HTR2C: variants seen among roughly 807,000 people sequenced by gnomAD.
HTR2C encodes 5-hydroxytryptamine (serotonin) receptor 2C, G protein-coupled.
A neutral mutation model predicts 21.0 loss-of-function variants in HTR2C; 5 were observed. That is an observed-to-expected ratio of 0.24 (90% CI 0.12 to 0.50). HTR2C has a LOEUF of 0.50. Ranked by LOEUF, HTR2C falls within the 20% of genes least tolerant of loss-of-function variation. The pLI is 0.98. For missense variants in HTR2C, 271 were observed against 371.2 expected (o/e 0.73, Z 2.22); for synonymous variants, 150 against 145.3 (o/e 1.03, Z -0.23).
At chrX:114,659,955 A>G (rs893623569) in intron 2 of HTR2C, among the ~76,000 whole-genome samples, 2 of 111,851 alleles carry the variant, frequency 1.8e-5, no homozygotes, top group African/African-American at 6.5e-5. Flanking sequence ...GAAGTAAATA[A>G]GCAAACAAAC....
chrX:114,809,146 C>T lies in HTR2C; in HGVS notation c.350-38857C>T, dbSNP rs1186836260. 6.3e-5 allele frequency among the ~76,000 whole-genome samples: 7 copies of T among 111,291 alleles called. No individual in the cohort carries two copies. The South Asian group carries it at 1.1e-3, about 18-fold the overall frequency. ...CTGTCTGGGAGCCAGGGTCTGGAGT[C>T]GGTTACCTTAGGAATCTACCTGGTG... On this transcript the variant is annotated intron_variant, in intron 4 of 5. Coordinates refer to ENST00000276198, the MANE Select transcript of HTR2C (RefSeq NM_000868.4).
chrX:114,669,506 C>G (rs1931292256), intron 2 of HTR2C, among the ~76,000 whole-genome samples: 1 of 111,801 alleles, frequency 8.9e-6, no homozygotes, highest in African/African-American at 3.2e-5. Context: ...AATCATCAGG[C>G]AAGCCAGTGA....
intron 2 of HTR2C, among the ~76,000 whole-genome samples, chrX:114,633,947 T>TATATATAGAGAG (rs201763901): frequency 0.051 from 4,690 of 92,074 alleles, 137 homozygotes; most frequent in Admixed American, 0.11. Context: ...TATATATATA[T>TATATATAGAGAG]AGAGAGAGAG....
chrX:114,760,520 A>G (rs2069855829), intron 4 of HTR2C, among the ~76,000 whole-genome samples: 1 of 110,213 alleles, frequency 9.1e-6, no homozygotes, highest in African/African-American at 3.3e-5. Context: ...CACATCTTTT[A>G]TTTTTTTCTT....
At chrX:114,616,370 T>A (rs1170197515) in intron 2 of HTR2C, among the ~76,000 whole-genome samples, 1 of 110,497 alleles carries the variant, frequency 9.1e-6, no homozygotes, top group Non-Finnish European at 1.9e-5. Flanking sequence ...CACTGCAACC[T>A]CTGCCTGCCG....
intron 5 of HTR2C, among the ~76,000 whole-genome samples, chrX:114,877,659 A>T: frequency 9.2e-6 from 1 of 108,736 alleles, no homozygotes; most frequent in African/African-American, 3.3e-5. Context: ...TTGTGTTTCC[A>T]TTTTTGTTTA....
rs1488918461 is a variant in HTR2C, at chrX:114,584,253, T to C, written c.-553T>C. The C allele has an allele frequency of 8.8e-6, 1 of 113,020 alleles. No individual in the cohort carries two copies. The highest frequency in any genetic ancestry group is 1.9e-5 in the Non-Finnish European group (1 of 53,351). The allele number at this position is 113,020 out of a possible 1,213,427, so 9.3% of individuals were successfully genotyped here. A position where few individuals can be genotyped will look rare whatever the true frequency, so the allele number is the denominator to read the frequency against. On this transcript the variant is annotated 5_prime_UTR_variant, in exon 1 of 6. Coordinates refer to ENST00000276198, the MANE Select transcript of HTR2C (RefSeq NM_000868.4). Reference sequence around the variant, plus strand: ...AACTCTTCTTCTGTCTGTACATCGTTGTCGTCGGAGTCGTCGCGATCGTCG... The same window carrying C: ...AACTCTTCTTCTGTCTGTACATCGTCGTCGTCGGAGTCGTCGCGATCGTCG...
At chrX:114,813,958 G>A (rs2070558515) in intron 4 of HTR2C, among the ~76,000 whole-genome samples, 1 of 111,548 alleles carries the variant, frequency 9.0e-6, no homozygotes, top group Non-Finnish European at 1.9e-5. Context: ...ACAGATATAT[G>A]TAAGGTACTG....
At position 114,909,000 on chromosome X, in the gene HTR2C, T is replaced by C. The variant is rs1556488039; in HGVS notation, c.*1585T>C. Reference sequence around the variant, plus strand: ...GAATGTGCCTCTCAGTATCTTAAAATTGGTTAATGAAAAATCTGAATTTCT... The same window carrying C: ...GAATGTGCCTCTCAGTATCTTAAAACTGGTTAATGAAAAATCTGAATTTCT... On this transcript the variant is annotated 3_prime_UTR_variant, in exon 6 of 6. Coordinates refer to ENST00000276198, the MANE Select transcript of HTR2C (RefSeq NM_000868.4). 1.8e-5 allele frequency: 2 copies of C among 112,411 alleles called. No individual in the cohort carries two copies. The highest frequency in any genetic ancestry group is 6.5e-5 in the African/African-American group (2 of 30,848). 9.3% of individuals were successfully genotyped at this position (112,411 alleles called of 1,213,427 possible).
At chrX:114,849,624 A>T (rs1294212573) in intron 5 of HTR2C, among the ~76,000 whole-genome samples, 1 of 111,956 alleles carries the variant, frequency 8.9e-6, no homozygotes, top group African/African-American at 3.2e-5. Flanking sequence ...TAATTCTGGG[A>T]TCACAAAAAA....
At chrX:114,652,651 T>C (rs1556408687) in intron 2 of HTR2C, 2 of 381,841 alleles carry the variant, frequency 5.2e-6, no homozygotes, top group African/African-American at 2.6e-5. Flanking sequence ...GCCTGGCATA[T>C]AGCAGGTCCT....
intron 1 of HTR2C, among the ~76,000 whole-genome samples, chrX:114,586,089 G>A (rs1361865209): frequency 8.9e-6 from 1 of 111,820 alleles, no homozygotes; most frequent in Non-Finnish European, 1.9e-5. Flanking sequence ...CAAAATATGA[G>A]TGCAATAGAA....
chrX:114,874,797 C>T (rs1169024563), intron 5 of HTR2C, among the ~76,000 whole-genome samples: 1 of 111,331 alleles, frequency 9.0e-6, no homozygotes, highest in Non-Finnish European at 1.9e-5. Flanking sequence ...GTGTGAGCCA[C>T]CGCACCCGGC....
chrX:114,821,015 T>C (rs1556456069), intron 4 of HTR2C, among the ~76,000 whole-genome samples: 1 of 111,727 alleles, frequency 9.0e-6, no homozygotes, highest in African/African-American at 3.3e-5. Context: ...ATTAAAAGCA[T>C]AGCACAGTAA....
chrX:114,638,431 A>G, intron 2 of HTR2C, among the ~76,000 whole-genome samples: 1 of 111,424 alleles, frequency 9.0e-6, no homozygotes, highest in Middle Eastern at 4.6e-3. Flanking sequence ...TGTAAATGGA[A>G]TCCTTGTACA....
chrX:114,708,504 A>G (rs1435807406), intron 2 of HTR2C, among the ~76,000 whole-genome samples: 2 of 111,733 alleles, frequency 1.8e-5, no homozygotes, highest in African/African-American at 3.3e-5. Flanking sequence ...TCCTGACTCA[A>G]AAGTTTTAGC....
At chrX:114,817,166 T>A (rs1351363656) in intron 4 of HTR2C, among the ~76,000 whole-genome samples, 1 of 110,974 alleles carries the variant, frequency 9.0e-6, no homozygotes, top group Non-Finnish European at 1.9e-5. Flanking sequence ...TGTCTGTAGG[T>A]TTTTTTTAGG....
intron 4 of HTR2C, among the ~76,000 whole-genome samples, chrX:114,735,040 C>T (rs981230675): frequency 5.4e-5 from 6 of 111,454 alleles, no homozygotes; most frequent in Non-Finnish European, 1.1e-4. Flanking sequence ...TGTGGTGGCT[C>T]ATGCCTTTAA....
chrX:114,765,907 A>G (rs2069943288), intron 4 of HTR2C, among the ~76,000 whole-genome samples: 1 of 111,746 alleles, frequency 8.9e-6, no homozygotes, highest in South Asian at 3.7e-4. Context: ...CTCTGCTATC[A>G]TGCAATTAGA....
Sources: gnomAD v4.1 joint callset for allele counts (sites outside exome capture counted in the v4.1 genomes callset) on GRCh38, gnomAD v4.1.1 for gene constraint, MANE v1.5 for transcripts, NCBI Gene and HGNC (gene_info 2026-07-23, HGNC 2026-07-21) for gene names.